The following LIPA variants were observed in gnomAD, a reference collection of about 807,000 sequenced individuals.
The protein encoded by LIPA is lipase A, lysosomal acid type, also known as lysosomal acid lipase/cholesteryl ester hydrolase.
A neutral mutation model predicts 40.6 loss-of-function variants in LIPA; 26 were observed. The ratio of observed to expected loss-of-function variants is 0.64; its 90% CI spans 0.47 to 0.89. The LOEUF is 0.89. Among genes scored for constraint, LIPA ranks in the 40% least tolerant of loss-of-function variants. The pLI is 0.00. For synonymous variants in LIPA, 188 were observed against 168.4 expected (o/e 1.12, Z -0.90); for missense variants, 455 against 479.6 (o/e 0.95, Z 0.48).
intron 1 of LIPA, among the ~76,000 whole-genome samples, chr10:89,259,090 A>G (rs1453204344): frequency 1.3e-5 from 2 of 152,208 alleles, no homozygotes; most frequent in Non-Finnish European, 2.9e-5. Context: ...GGATGATGAA[A>G]ATGTTCTAAA....
At chr10:89,232,196 C>T (rs941611305) in intron 3 of LIPA, among the ~76,000 whole-genome samples, 11 of 152,172 alleles carry the variant, frequency 7.2e-5, no homozygotes, top group Non-Finnish European at 1.0e-4. Context: ...GAATGGTGAC[C>T]GGGCGCTGTA....
At chr10:89,306,025 C>T (rs1843475583) in intron 1 of LIPA, 4 of 1,613,892 alleles carry the variant, frequency 2.5e-6, no homozygotes. Context: ...TCACCTGGAA[C>T]TTGATGGAGG....
At chr10:89,339,619 CTT>C in intron 1 of LIPA, 1 of 1,614,180 alleles carries the variant, frequency 6.2e-7, no homozygotes. Context: ...GAATAAAGCT[CTT>C]GAGAAGGGAC....
intron 1 of LIPA, among the ~76,000 whole-genome samples, chr10:89,248,909 C>T (rs887506344): frequency 6.6e-6 from 1 of 152,166 alleles, no homozygotes; most frequent in Non-Finnish European, 1.5e-5. Context: ...GGAGAAATAA[C>T]AAAAGGCAAG....
chr10:89,412,940 C>T (rs183877393), intron 1 of LIPA: 11 of 242,342 alleles, frequency 4.5e-5, no homozygotes, highest in East Asian at 4.2e-4. Flanking sequence ...GAACCAATTC[C>T]GGACACACCA....
At chr10:89,321,182 C>A (rs1008385517) in intron 1 of LIPA, among the ~76,000 whole-genome samples, 12 of 151,974 alleles carry the variant, frequency 7.9e-5, no homozygotes, top group African/African-American at 2.9e-4. Flanking sequence ...TCTAAAACAC[C>A]AAAAGCAATG....
chr10:89,251,477 GA>G (rs1843119667), intron 1 of LIPA, among the ~76,000 whole-genome samples: 1 of 139,858 alleles, frequency 7.2e-6, no homozygotes, highest in African/African-American at 2.8e-5. Flanking sequence ...GCCTGTCCAG[GA>G]AAGTGGACAG....
At position 89,402,972 on chromosome 10, in the gene LIPA, G is replaced by A. The variant is rs1844459811; in HGVS notation, c.61+9819C>T. On this transcript the variant is annotated intron_variant, in intron 2 of 8. Coordinates refer to the LIPA transcript ENST00000371837. Reference sequence around the variant, plus strand: ...CCTGAAGCTTCAGGATGAAGGACAGGAAGCTGAAGGAGAAAAGTACATTGA... The same window carrying A: ...CCTGAAGCTTCAGGATGAAGGACAGAAAGCTGAAGGAGAAAAGTACATTGA... 8.1e-6 allele frequency: 13 copies of A among 1,614,094 alleles called. No homozygotes were observed. In the East Asian group the frequency reaches 2.5e-4, roughly 30 times the overall value.
chr10:89,374,597 T>C (rs890738520), intron 2 of LIPA, among the ~76,000 whole-genome samples: 2 of 152,230 alleles, frequency 1.3e-5, no homozygotes, highest in Non-Finnish European at 2.9e-5. Context: ...CATACTACTC[T>C]CAGTGTAAGC....
chr10:89,267,891 C>T (rs1843246393), intron 1 of LIPA, among the ~76,000 whole-genome samples: 1 of 152,144 alleles, frequency 6.6e-6, no homozygotes. Context: ...TGCTGTAAAC[C>T]TCCCACTTTA....
chr10:89,270,533 T>G (rs1339001904), intron 1 of LIPA, among the ~76,000 whole-genome samples: 1 of 152,218 alleles, frequency 6.6e-6, no homozygotes, highest in Non-Finnish European at 1.5e-5. Flanking sequence ...CTTTCCAATA[T>G]GAAGGATACA....
At chr10:89,324,254 G>T (rs997616987) in intron 1 of LIPA, among the ~76,000 whole-genome samples, 5 of 152,118 alleles carry the variant, frequency 3.3e-5, no homozygotes, top group African/African-American at 9.7e-5. Context: ...CTTCAACAAA[G>T]CTGACAAGAA....
At chr10:89,234,967 T>G (rs956143871) in intron 3 of LIPA, among the ~76,000 whole-genome samples, 6 of 152,244 alleles carry the variant, frequency 3.9e-5, no homozygotes, top group African/African-American at 1.4e-4. Flanking sequence ...GCGTGAGGGT[T>G]GGAGTCTAAC....
intron 2 of LIPA, among the ~76,000 whole-genome samples, chr10:89,353,804 G>C (rs57529139): frequency 0.022 from 3,318 of 152,190 alleles, 123 homozygotes; most frequent in African/African-American, 0.074. Context: ...AGCTGGGTGT[G>C]GCAGCGTGCA....
At chr10:89,414,392 G>A (rs1841507543) in intron 1 of LIPA, 2 of 191,736 alleles carry the variant, frequency 1.0e-5, no homozygotes, top group South Asian at 3.2e-4. Context: ...CGGGCAGCAT[G>A]CGAACTCAGC....
chr10:89,315,527 T>C lies in LIPA; in HGVS notation c.-2+27084A>G, dbSNP rs1266829044. Among the ~76,000 whole-genome samples, 5 of 152,076 alleles carry C rather than the reference T, an allele frequency of 3.3e-5. No homozygotes were observed. The East Asian group carries it at 9.6e-4, about 29-fold the overall frequency. On this transcript the variant is annotated intron_variant, in intron 1 of 5. Transcript: ENST00000282673. ...ATTATCAAATTAGTCATGACAACTA[T>C]ACTCCCTAGGTTTTTATGAATATTT...
At chr10:89,403,413 A>T in intron 2 of LIPA, 1 of 1,613,984 alleles carries the variant, frequency 6.2e-7, no homozygotes, top group Non-Finnish European at 8.5e-7. Context: ...AATGCAAGAC[A>T]TACATTTCCA....
intron 1 of LIPA, among the ~76,000 whole-genome samples, chr10:89,322,379 A>T (rs1843576617): frequency 6.6e-6 from 1 of 152,072 alleles, no homozygotes; most frequent in South Asian, 2.1e-4. Flanking sequence ...TTCAAGATGT[A>T]AGGGGATTAC....
At chr10:89,413,915 T>C (rs781361178) in intron 1 of LIPA, among the ~76,000 whole-genome samples, 13 of 152,236 alleles carry the variant, frequency 8.5e-5, no homozygotes, top group Non-Finnish European at 1.8e-4. Context: ...AAAGTCTGGC[T>C]CTTACAGTTG....
Sources: allele counts gnomAD v4.1 joint callset (sites outside exome capture counted in the v4.1 genomes callset), GRCh38; gene constraint gnomAD v4.1.1; transcripts MANE v1.5; gene names NCBI Gene and HGNC (gene_info 2026-07-23, HGNC 2026-07-21).